The following KALRN variants were observed in gnomAD, a reference collection of about 807,000 sequenced individuals.
KALRN encodes the protein kalirin.
KALRN carries 70 observed loss-of-function variants against 353.7 expected under a neutral mutation model. The observed-to-expected ratio is 0.20, with a 90% confidence interval of 0.16 to 0.24. The LOEUF is 0.24. Among genes scored for constraint, KALRN ranks in the 10% least tolerant of loss-of-function variants. The pLI is 1.00. For missense variants in KALRN, 2,791 were observed against 3,756.7 expected (o/e 0.74, Z 6.72); for synonymous variants, 1,391 against 1,434.8 (o/e 0.97, Z 0.69).
chr3:124,428,465 G>C (rs2093127025), intron 15 of KALRN, among the ~76,000 whole-genome samples: 1 of 152,146 alleles, frequency 6.6e-6, no homozygotes, highest in African/African-American at 2.4e-5. Flanking sequence ...AGAAAACTGA[G>C]ACTCAGAGGG....
intron 18 of KALRN, among the ~76,000 whole-genome samples, 163 bp downstream of exon 18, chr3:124,439,200 T>TCACACACACACACACACACACACACACA (rs376221553): frequency 2.3e-4 from 23 of 98,962 alleles, no homozygotes; most frequent in African/African-American, 7.7e-4. Context: ...TCTCTCTCTC[T>TCACACACACACACACACACACACACACA]CACACACACA....
At chr3:124,347,635 T>G (rs1428838937) in intron 10 of KALRN, among the ~76,000 whole-genome samples, 1 of 152,078 alleles carries the variant, frequency 6.6e-6, no homozygotes, top group Non-Finnish European at 1.5e-5. Flanking sequence ...CAGGAGGGAA[T>G]GACATTATTA....
At chr3:124,613,266 T>A (rs1030371142) in intron 34 of KALRN, among the ~76,000 whole-genome samples, 1 of 152,140 alleles carries the variant, frequency 6.6e-6, no homozygotes, top group Non-Finnish European at 1.5e-5. Flanking sequence ...AGCCCATACC[T>A]CTCCTGATTG....
intron 34 of KALRN, among the ~76,000 whole-genome samples, chr3:124,587,647 A>G (rs1423927288): frequency 4.0e-5 from 6 of 150,696 alleles, no homozygotes; most frequent in African/African-American, 1.5e-4. Context: ...TTGATTTGGA[A>G]GAGTATGGAA....
Position 124,449,099 on chromosome 3 carries a change from T to G in KALRN, c.3552+2214T>G, listed in dbSNP as rs537430698. 2.0e-5 allele frequency among the ~76,000 whole-genome samples: 3 copies of G among 152,336 alleles called. No individual in the cohort carries two copies. In the South Asian group the frequency reaches 6.2e-4, roughly 32 times the overall value. ...CTCCTGCCCCACCCTAATCCCACTT[T>G]CCAGAGGTAAACCTCTTCTAATCAG... On this transcript the variant is annotated intron_variant, in intron 21 of 59. Coordinates refer to ENST00000682506, the MANE Select transcript of KALRN (RefSeq NM_001388419.1).
intron 34 of KALRN, among the ~76,000 whole-genome samples, chr3:124,613,634 C>G (rs902498657): frequency 1.3e-5 from 2 of 152,166 alleles, no homozygotes; most frequent in East Asian, 3.8e-4. Context: ...GAGTTGAAGG[C>G]TTATTACTTG....
intron 1 of KALRN, among the ~76,000 whole-genome samples, chr3:124,039,821 C>T (rs772656942): frequency 2.6e-5 from 4 of 151,806 alleles, no homozygotes; most frequent in South Asian, 2.1e-4. Flanking sequence ...AGTGTAAACA[C>T]GATGCTTAAT....
In KALRN at chr3:124,069,776, A is replaced by G. The variant is rs547731275; in HGVS notation, c.73+35963A>G. Among the ~76,000 whole-genome samples the G allele has an allele frequency of 2.8e-4, 42 of 152,320 alleles. No homozygotes were observed. In the South Asian group the frequency reaches 6.2e-3, roughly 23 times the overall value. Reference sequence around the variant, plus strand: ...CTCTAAAGGAGTAGATACCACATGCAGCTGAAGCTCAGAGGAAAGGGAGGT... The same window carrying G: ...CTCTAAAGGAGTAGATACCACATGCGGCTGAAGCTCAGAGGAAAGGGAGGT... On this transcript the variant is annotated intron_variant, in intron 1 of 59. Transcript: ENST00000682506.
chr3:124,311,198 G>A (rs1237474953), intron 6 of KALRN, among the ~76,000 whole-genome samples: 2 of 148,702 alleles, frequency 1.3e-5, no homozygotes, highest in South Asian at 2.2e-4. Context: ...AGTGGCTCAC[G>A]CCTATAATCG....
intron 12 of KALRN, chr3:124,395,633 A>AG (rs2090067968): frequency 5.0e-6 from 2 of 396,618 alleles, no homozygotes; most frequent in Non-Finnish European, 9.2e-6. Context: ...AAAAAACAAA[A>AG]GTAAAAAATA....
chr3:124,465,669 GA>G (rs933062510), intron 25 of KALRN, among the ~76,000 whole-genome samples: 7 of 151,964 alleles, frequency 4.6e-5, no homozygotes, highest in African/African-American at 1.7e-4. Flanking sequence ...TTCTGAATAT[GA>G]AAAAAAATCA....
chr3:124,458,555 C>T (rs1003448634), intron 23 of KALRN, among the ~76,000 whole-genome samples: 5 of 152,122 alleles, frequency 3.3e-5, no homozygotes, highest in African/African-American at 1.2e-4. Context: ...TTGTAGACTC[C>T]TTGAAAACAA....
intron 5 of KALRN, among the ~76,000 whole-genome samples, chr3:124,288,673 A>G (rs1192251196): frequency 6.6e-6 from 1 of 152,128 alleles, no homozygotes. Context: ...AGTGCAGTGA[A>G]CCTGATGGGG....
intron 34 of KALRN, among the ~76,000 whole-genome samples, chr3:124,631,637 C>T (rs2080797559): frequency 6.6e-6 from 1 of 152,230 alleles, no homozygotes; most frequent in Non-Finnish European, 1.5e-5. Flanking sequence ...ACATCCCTCA[C>T]CTGGAATAGT....
intron 57 of KALRN, 128 bp downstream of exon 57, chr3:124,702,244 A>C (rs2062375940): frequency 1.9e-6 from 1 of 535,746 alleles, no homozygotes; most frequent in African/African-American, 1.9e-5. Context: ...CAAGAAAAAA[A>C]CTAAAATATT....
At chr3:124,534,034 C>T (rs1286030666) in intron 33 of KALRN, among the ~76,000 whole-genome samples, 1 of 152,132 alleles carries the variant, frequency 6.6e-6, no homozygotes, top group Non-Finnish European at 1.5e-5. Context: ...CCCCAGTCTA[C>T]TCATGAGAAA....
chr3:124,139,659 G>GAA (rs1560056074), intron 1 of KALRN, among the ~76,000 whole-genome samples: 1 of 152,140 alleles, frequency 6.6e-6, no homozygotes, highest in Admixed American at 6.5e-5. Context: ...AGAGCACCTG[G>GAA]GGGTTCCCTT....
chr3:124,366,911 G>A (rs13100808), intron 10 of KALRN, among the ~76,000 whole-genome samples: 59,379 of 108,810 alleles, frequency 0.55, 16,493 homozygotes, highest in East Asian at 0.89. Context: ...TCCCGGATGG[G>A]GTGGCTGGCC....
intron 6 of KALRN, among the ~76,000 whole-genome samples, chr3:124,310,705 G>C (rs971977793): frequency 6.6e-6 from 1 of 152,160 alleles, no homozygotes; most frequent in Non-Finnish European, 1.5e-5. Context: ...CAACTGGATA[G>C]TCATAAGCAA....
Sources: gnomAD v4.1 joint callset for allele counts (sites outside exome capture counted in the v4.1 genomes callset) on GRCh38, gnomAD v4.1.1 for gene constraint, MANE v1.5 for transcripts, NCBI Gene and HGNC (gene_info 2026-07-23, HGNC 2026-07-21) for gene names.